Variants in TMPRSS11D observed in about 807,000 individuals in gnomAD.
TMPRSS11D encodes transmembrane serine protease 11D, also known as transmembrane protease serine 11D.
A neutral mutation model predicts 44.4 loss-of-function variants in TMPRSS11D; 32 were observed. The observed-to-expected ratio is 0.72, with a 90% confidence interval of 0.54 to 0.97. TMPRSS11D has a LOEUF of 0.97. Ranked by LOEUF, TMPRSS11D falls within the 50% of genes least tolerant of loss-of-function variation. The pLI, the probability that TMPRSS11D is intolerant of heterozygous loss-of-function variation, is 0.00. For synonymous variants in TMPRSS11D, 179 were observed against 177.9 expected, an observed-to-expected ratio of 1.01 and a Z score of -0.05; for missense variants, 446 against 502.6, an observed-to-expected ratio of 0.89 and a Z score of 1.08.
At chr4:67,850,311 A>G (rs546579843) in intron 3 of TMPRSS11D, among the ~76,000 whole-genome samples, 3 of 152,294 alleles carry the variant, frequency 2.0e-5, no homozygotes, top group East Asian at 3.9e-4. Context: ...CCCCTCAGAC[A>G]CCAGATCTGC....
chr4:67,844,218 A>G (rs1161297693), intron 3 of TMPRSS11D, among the ~76,000 whole-genome samples: 2 of 152,220 alleles, frequency 1.3e-5, no homozygotes, highest in African/African-American at 4.8e-5. Context: ...ACATTAAGCC[A>G]GGATTTGGAG....
intron 3 of TMPRSS11D, among the ~76,000 whole-genome samples, chr4:67,847,117 T>A (rs1718378389): frequency 2.6e-5 from 4 of 152,194 alleles, no homozygotes; most frequent in Admixed American, 1.3e-4. Flanking sequence ...TTGGGCAGGC[T>A]GGTCTTGAAC....
At chr4:67,829,887 G>A (rs1329818154) in intron 7 of TMPRSS11D, among the ~76,000 whole-genome samples, 1 of 151,820 alleles carries the variant, frequency 6.6e-6, no homozygotes, top group Non-Finnish European at 1.5e-5. Context: ...GAGGGAAATG[G>A]GGCCTCTTTT....
At chr4:67,837,745 A>C (rs1296719337) in intron 5 of TMPRSS11D, among the ~76,000 whole-genome samples, 1 of 152,104 alleles carries the variant, frequency 6.6e-6, no homozygotes, top group African/African-American at 2.4e-5. Flanking sequence ...GATGAAGCCA[A>C]ACAATACAAA....
intron 9 of TMPRSS11D, among the ~76,000 whole-genome samples, chr4:67,824,163 C>A (rs1717726708): frequency 1.4e-5 from 2 of 140,456 alleles, no homozygotes; most frequent in African/African-American, 2.6e-5. Context: ...TAAGTGTGAA[C>A]TATGCATTAT....
chr4:67,827,388 A>G lies in TMPRSS11D; in HGVS notation c.825T>C (p.Leu275=). Residue 275 remains leucine, a synonymous_variant, in exon 8 of 10, where the codon CTT becomes CTC. Coordinates refer to ENST00000283916, the MANE Select transcript of TMPRSS11D (RefSeq NM_004262.3). ...KSATHENDIA[L]VRLENSVTFT... is the part of the protein sequence containing the mutation. ...AGGTGACACTGTTCTCAAGTCTCACAAGTGCAATGTCATTTTCATGAGTTG... is the reference window on the plus strand; with the variant it reads ...AGGTGACACTGTTCTCAAGTCTCACGAGTGCAATGTCATTTTCATGAGTTG... 2 of 1,613,402 alleles carry G rather than the reference A, an allele frequency of 1.2e-6. No homozygotes were observed. Among genetic ancestry groups the G allele is most frequent in the South Asian group, 1.1e-5 (1 of 91,052 alleles).
At chr4:67,879,341 C>T (rs779343908) in intron 1 of TMPRSS11D, among the ~76,000 whole-genome samples, 2 of 151,696 alleles carry the variant, frequency 1.3e-5, no homozygotes, top group Non-Finnish European at 2.9e-5. Flanking sequence ...ATTAGCCGGG[C>T]GCAGTGGTAG....
At chr4:67,867,101 C>T (rs571214311) in intron 1 of TMPRSS11D, among the ~76,000 whole-genome samples, 18 of 151,916 alleles carry the variant, frequency 1.2e-4, no homozygotes, top group African/African-American at 4.4e-4. Context: ...GCTATAGTAA[C>T]CAAAACAGCA....
intron 7 of TMPRSS11D, among the ~76,000 whole-genome samples, chr4:67,832,957 A>G (rs561005190): frequency 6.6e-6 from 1 of 152,270 alleles, no homozygotes; most frequent in East Asian, 1.9e-4. Context: ...GATTTAAAAA[A>G]CATTCTGACA....
chr4:67,822,382 T>C lies in TMPRSS11D; in HGVS notation c.1212A>G (p.Arg404=), dbSNP rs1577798742. 6.2e-7 allele frequency: 1 copy of C among 1,613,882 alleles called. No individual in the cohort carries two copies. Among genetic ancestry groups the C allele is most frequent in the East Asian group, 2.2e-5 (1 of 44,868 alleles). ...TAATCCAGTCAAGGTAGGCTGTCAC[T>C]CGAGTATACACTCCTGGCTTATCCG... is the stretch of plus-strand genomic sequence containing the variant. ...GLPDKPGVYT[R]VTAYLDWIRQ... Residue 404 remains arginine, a synonymous_variant, in exon 10 of 10, where the codon CGA becomes CGG. Transcript: ENST00000283916.
At chr4:67,870,091 T>G (rs1326933552) in intron 1 of TMPRSS11D, among the ~76,000 whole-genome samples, 1 of 152,216 alleles carries the variant, frequency 6.6e-6, no homozygotes, top group African/African-American at 2.4e-5. Context: ...TTTTCTTGTG[T>G]GTGGCAATAT....
intron 1 of TMPRSS11D, among the ~76,000 whole-genome samples, chr4:67,875,786 C>T (rs572732783): frequency 6.6e-6 from 1 of 152,212 alleles, no homozygotes; most frequent in Non-Finnish European, 1.5e-5. Context: ...GTTAACACAA[C>T]TCAAATAATG....
At position 67,821,989 on chromosome 4, in the gene TMPRSS11D, C is replaced by T; in HGVS notation, c.*348G>A. ...TGAAACCCAGAGAAGACCCCTCTGA[C>T]CCATCAGACCTGTGCAGGTTCCTCT... On this transcript the variant is annotated 3_prime_UTR_variant, in exon 10 of 10. Transcript: ENST00000283916. The T allele has an allele frequency of 5.9e-6, 1 of 169,966 alleles. No homozygotes were observed. The allele number at this position is 169,966 out of a possible 1,614,324, so 10.5% of individuals were successfully genotyped here.
chr4:67,864,912 A>C (rs1273521872), intron 1 of TMPRSS11D, among the ~76,000 whole-genome samples: 2 of 151,900 alleles, frequency 1.3e-5, no homozygotes, highest in Non-Finnish European at 2.9e-5. Context: ...CAGGAATACA[A>C]TAATGATGGA....
At chr4:67,859,810 G>A (rs756807112) in intron 1 of TMPRSS11D, 132 bp from the exon 2 acceptor site, 20 of 1,240,238 alleles carry the variant, frequency 1.6e-5, no homozygotes, top group African/African-American at 6.0e-5. Context: ...AAACATATTC[G>A]TAGATATGAA....
At chr4:67,847,279 T>TA (rs1718382633) in intron 3 of TMPRSS11D, among the ~76,000 whole-genome samples, 1 of 152,192 alleles carries the variant, frequency 6.6e-6, no homozygotes, top group Admixed American at 6.5e-5. Flanking sequence ...ATGTATTAAA[T>TA]ATCTTCTAAG....
chr4:67,857,322 TACACACAC>T (rs140893348), intron 2 of TMPRSS11D, among the ~76,000 whole-genome samples: 180 of 3,320 alleles, frequency 0.054, 1 homozygote, highest in African/African-American at 0.065. Context: ...TATATATATA[TACACACAC>T]ACACACACAC....
rs763981972 is a variant in TMPRSS11D at position 67,838,243 on chromosome 4, A to G, written c.404T>C (p.Ile135Thr). The G allele has an allele frequency of 1.9e-6, 3 of 1,601,906 alleles. No individual in the cohort carries two copies. In the Admixed American group the frequency reaches 5.2e-5, roughly 28 times the overall value. The part of the protein sequence containing the change: ...NNNGASMKSR[I>T]ESVLRQMLNN... ...CAGCATTTGTCGTAAAACAGACTCA[A>G]TTCTGCTTTTCATTGATGCTCCATT... Residue 135 changes from isoleucine to threonine, a missense_variant, in exon 5 of 10, where the codon ATT (isoleucine) becomes ACT (threonine). By Grantham distance (89) the Ile-to-Thr change is moderately conservative (BLOSUM62 -1). Transcript: ENST00000283916.
chr4:67,839,489 A>T (rs1349872659), intron 4 of TMPRSS11D, among the ~76,000 whole-genome samples: 1 of 152,122 alleles, frequency 6.6e-6, no homozygotes, highest in East Asian at 1.9e-4. Flanking sequence ...GAATGTGAAT[A>T]GTATGTGGTG....
Sources: allele counts gnomAD v4.1 joint callset (sites outside exome capture counted in the v4.1 genomes callset), GRCh38; gene constraint gnomAD v4.1.1; transcripts MANE v1.5; gene names NCBI Gene and HGNC (gene_info 2026-07-23, HGNC 2026-07-21).